The following FANCC variants were observed in gnomAD, a reference collection of about 807,000 sequenced individuals.
FANCC encodes the protein FA complementation group C.
In FANCC, 55 loss-of-function variants were observed where a neutral mutation model predicts 71.3. The ratio of observed to expected loss-of-function variants is 0.77; its 90% CI spans 0.62 to 0.97. The LOEUF (loss-of-function observed/expected upper bound fraction) is 0.97, where lower values mean the gene tolerates loss of function less well. FANCC is among the 50% of genes least tolerant of loss of function. The pLI, the probability that FANCC is intolerant of heterozygous loss-of-function variation, is 0.00. For missense variants in FANCC, 678 were observed against 670.9 expected (o/e 1.01, Z -0.12); for synonymous variants, 275 against 244.9 (o/e 1.12, Z -1.15).
intron 1 of FANCC, among the ~76,000 whole-genome samples, chr9:95,284,581 T>C (rs1462610593): frequency 6.6e-6 from 1 of 152,166 alleles, no homozygotes; most frequent in Non-Finnish European, 1.5e-5. Context: ...CAGTTCAGCC[T>C]CTTTTTATGT....
chr9:95,280,866 T>G (rs1399227837), intron 1 of FANCC, among the ~76,000 whole-genome samples: 1 of 152,156 alleles, frequency 6.6e-6, no homozygotes, highest in Admixed American at 6.5e-5. Context: ...AAATAATTTT[T>G]TAAAATCAAA....
chr9:95,234,840 G>T (rs1412370308), intron 4 of FANCC, among the ~76,000 whole-genome samples: 1 of 152,184 alleles, frequency 6.6e-6, no homozygotes, highest in East Asian at 1.9e-4. Context: ...TGACGTTTCA[G>T]TCTGAGTGTG....
chr9:95,107,929 A>C, intron 13 of FANCC, among the ~76,000 whole-genome samples: 1 of 152,252 alleles, frequency 6.6e-6, no homozygotes. Context: ...TTGCATAAAA[A>C]ATACTCATTC....
chr9:95,149,243 G>T (rs1829961306), intron 7 of FANCC, among the ~76,000 whole-genome samples: 1 of 151,992 alleles, frequency 6.6e-6, no homozygotes, highest in Non-Finnish European at 1.5e-5. Context: ...AAACTCTTGG[G>T]AATGTATGAA....
chr9:95,235,933 T>C (rs1424535926), intron 4 of FANCC, among the ~76,000 whole-genome samples: 1 of 151,114 alleles, frequency 6.6e-6, no homozygotes, highest in Non-Finnish European at 1.5e-5. Flanking sequence ...TTCTATTTCC[T>C]TGGGTGGTGA....
At chr9:95,109,577 G>A (rs539525777) in intron 13 of FANCC, 1 of 152,236 alleles carries the variant, frequency 6.6e-6, no homozygotes, top group African/African-American at 2.4e-5. Flanking sequence ...CTGGCTGCTG[G>A]TGGAAAGGGT....
intron 6 of FANCC, 30 bp downstream of exon 6, chr9:95,171,049 G>T: frequency 6.4e-7 from 1 of 1,573,788 alleles, no homozygotes; most frequent in Non-Finnish European, 8.7e-7. Context: ...TTTGAAACCT[G>T]AGAAGAAGGA....
chr9:95,136,640 C>T (rs1390393344), intron 7 of FANCC, among the ~76,000 whole-genome samples: 4 of 152,156 alleles, frequency 2.6e-5, no homozygotes, highest in Admixed American at 1.3e-4. Flanking sequence ...GTGCACGTCA[C>T]CACATCTGGC....
intron 12 of FANCC, chr9:95,114,299 C>G: frequency 5.4e-6 from 2 of 372,672 alleles, no homozygotes; most frequent in Non-Finnish European, 1.0e-5. Context: ...GAGGGGTTCC[C>G]AGCAGGTGGG....
chr9:95,188,484 C>T (rs1215254575), intron 4 of FANCC, among the ~76,000 whole-genome samples: 1 of 152,212 alleles, frequency 6.6e-6, no homozygotes, highest in African/African-American at 2.4e-5. Flanking sequence ...AAGCCTACAA[C>T]TTACACTGCT....
chr9:95,251,605 C>G (rs1035175576), intron 1 of FANCC, among the ~76,000 whole-genome samples: 3 of 152,032 alleles, frequency 2.0e-5, no homozygotes, highest in African/African-American at 7.2e-5. Context: ...CATGAGCCAC[C>G]GTGCCCAGCC....
intron 4 of FANCC, among the ~76,000 whole-genome samples, chr9:95,221,170 T>C (rs1319653003): frequency 1.3e-5 from 2 of 151,974 alleles, no homozygotes; most frequent in African/African-American, 4.8e-5. Context: ...GAGCTGAGAT[T>C]GCGCCACTGC....
intron 4 of FANCC, among the ~76,000 whole-genome samples, chr9:95,213,082 T>C (rs1197361525): frequency 6.6e-6 from 1 of 152,190 alleles, no homozygotes; most frequent in African/African-American, 2.4e-5. Context: ...TCTCATTCTG[T>C]TTATTTCGAC....
chr9:95,307,599 A>C (rs1835140530), intron 1 of FANCC, among the ~76,000 whole-genome samples: 1 of 152,254 alleles, frequency 6.6e-6, no homozygotes, highest in South Asian at 2.1e-4. Flanking sequence ...ATTATTCAAA[A>C]CTTAAATTAC....
At chr9:95,177,964 A>G (rs1455882673) in intron 4 of FANCC, among the ~76,000 whole-genome samples, 1 of 151,786 alleles carries the variant, frequency 6.6e-6, no homozygotes, top group African/African-American at 2.4e-5. Flanking sequence ...AGCCGTTCAG[A>G]CTCTCCAGCC....
intron 2 of FANCC, 104 bp downstream of exon 2, chr9:95,249,023 G>A (rs113867726): frequency 0.013 from 15,720 of 1,240,626 alleles, 130 homozygotes; most frequent in Non-Finnish European, 0.015. Flanking sequence ...CGGCACTTCA[G>A]TCAATACCAC....
At chr9:95,286,738 CA>C (rs1833712068) in intron 1 of FANCC, among the ~76,000 whole-genome samples, 1 of 152,180 alleles carries the variant, frequency 6.6e-6, no homozygotes, top group Non-Finnish European at 1.5e-5. Flanking sequence ...AGGGGAGCAT[CA>C]TCAGACCCAG....
intron 4 of FANCC, among the ~76,000 whole-genome samples, chr9:95,174,680 C>T (rs1825902178): frequency 6.6e-6 from 1 of 152,066 alleles, no homozygotes; most frequent in South Asian, 2.1e-4. Flanking sequence ...TCCTATACTG[C>T]ATTTTGTGAT....
intron 4 of FANCC, among the ~76,000 whole-genome samples, chr9:95,204,028 T>C (rs988527114): frequency 5.3e-5 from 8 of 152,206 alleles, no homozygotes; most frequent in Admixed American, 3.9e-4. Flanking sequence ...TACTTACACT[T>C]AGGACAGAGT....
Sources: gnomAD v4.1 joint callset for allele counts (sites outside exome capture counted in the v4.1 genomes callset) on GRCh38, gnomAD v4.1.1 for gene constraint, MANE v1.5 for transcripts, NCBI Gene and HGNC (gene_info 2026-07-23, HGNC 2026-07-21) for gene names.